AUNIP: variants seen among roughly 807,000 people sequenced by gnomAD.
AUNIP encodes the protein aurora kinase A and ninein interacting protein, also known as aurora kinase A- and ninein-interacting protein.
In AUNIP, 16 loss-of-function variants were observed where a neutral mutation model predicts 12.2. That is an observed-to-expected ratio of 1.31 (90% CI 0.88 to 1.99). The LOEUF (loss-of-function observed/expected upper bound fraction) is 1.99. Among genes scored for constraint, AUNIP ranks in the 30% most tolerant of loss-of-function variants. The pLI, the probability that AUNIP is intolerant of heterozygous loss-of-function variation, is 0.00. For missense variants in AUNIP, 411 were observed against 419.1 expected, an observed-to-expected ratio of 0.98 and a Z score of 0.17; for synonymous variants, 142 against 154.8, an observed-to-expected ratio of 0.92 and a Z score of 0.61.
intron 1 of AUNIP, among the ~76,000 whole-genome samples, chr1:25,843,202 AT>A (rs1557452423): frequency 6.7e-6 from 1 of 148,470 alleles, no homozygotes; most frequent in Non-Finnish European, 1.5e-5. Context: ...ATATATATAT[AT>A]TTTACTGCTC....
intron 1 of AUNIP, among the ~76,000 whole-genome samples, chr1:25,838,175 A>G (rs1232877780): frequency 2.6e-5 from 4 of 152,048 alleles, no homozygotes; most frequent in African/African-American, 9.7e-5. Flanking sequence ...TAGGTGTCAA[A>G]TGACAATAAT....
intron 1 of AUNIP, among the ~76,000 whole-genome samples, chr1:25,856,144 C>T (rs2048458445): frequency 6.6e-6 from 1 of 151,900 alleles, no homozygotes; most frequent in South Asian, 2.1e-4. Flanking sequence ...GCAGGTGGAT[C>T]ACTTGAGGCC....
chr1:25,846,757 A>G (rs1323677551), intron 1 of AUNIP, among the ~76,000 whole-genome samples: 1 of 152,208 alleles, frequency 6.6e-6, no homozygotes, highest in Non-Finnish European at 1.5e-5. Context: ...TTTTTCACTT[A>G]AAGGCCATAA....
chr1:25,848,424 G>A (rs1234566815), intron 1 of AUNIP, among the ~76,000 whole-genome samples: 1 of 145,400 alleles, frequency 6.9e-6, no homozygotes, highest in East Asian at 2.1e-4. Context: ...GGAGGTCGCA[G>A]TGAGTTGAGA....
intron 1 of AUNIP, among the ~76,000 whole-genome samples, chr1:25,848,483 CAAAAAAA>C (rs761716480): frequency 1.6e-5 from 1 of 62,474 alleles, no homozygotes; most frequent in Non-Finnish European, 3.1e-5. Context: ...AACTCCGTCT[CAAAAAAA>C]AAAAAAAAAA....
At chr1:25,844,400 A>T (rs2048368472) in intron 1 of AUNIP, among the ~76,000 whole-genome samples, 1 of 152,160 alleles carries the variant, frequency 6.6e-6, no homozygotes, top group Admixed American at 6.5e-5. Flanking sequence ...TGCCCGGCCA[A>T]GTGTGACCCT....
At chr1:25,857,496 G>A (rs1214257412) in intron 1 of AUNIP, among the ~76,000 whole-genome samples, 29 of 148,846 alleles carry the variant, frequency 1.9e-4, no homozygotes, top group African/African-American at 5.4e-4. Flanking sequence ...TGATCCGCCC[G>A]CCTCGGCCTC....
Position 25,837,411 on chromosome 1 carries a change from A to C in AUNIP, c.220+2T>G. 1 of 1,613,256 alleles carries C rather than the reference A, an allele frequency of 6.2e-7. No individual in the cohort carries two copies. The highest frequency in any genetic ancestry group is 8.5e-7 in the Non-Finnish European group (1 of 1,179,630). ...GAAGTATTCCCATATGGGTCACCAT[A>C]CCTGGCTGCAAGGTGAAGAAGGAAG... On this transcript the variant is annotated splice_donor_variant, in intron 2 of 2. Coordinates refer to ENST00000374298, the MANE Select transcript of AUNIP (RefSeq NM_024037.3). LOFTEE classifies it high-confidence loss of function.
intron 1 of AUNIP, among the ~76,000 whole-genome samples, chr1:25,857,231 GC>G (rs1303917142): frequency 1.3e-5 from 2 of 150,494 alleles, no homozygotes; most frequent in South Asian, 4.2e-4. Context: ...GTAATAAATA[GC>G]TATTGCACAT....
intron 1 of AUNIP, among the ~76,000 whole-genome samples, chr1:25,848,950 G>A (rs976631752): frequency 1.3e-5 from 2 of 152,164 alleles, no homozygotes; most frequent in African/African-American, 4.8e-5. Flanking sequence ...TTTCATTTGT[G>A]TCTCCTCACT....
At chr1:25,848,201 T>C (rs889655477) in intron 1 of AUNIP, among the ~76,000 whole-genome samples, 1 of 152,074 alleles carries the variant, frequency 6.6e-6, no homozygotes, top group East Asian at 1.9e-4. Flanking sequence ...CACCTTCAAC[T>C]CCAGGGAATA....
chr1:25,843,594 GAAAA>G (rs769525747), intron 1 of AUNIP, among the ~76,000 whole-genome samples: 18 of 31,894 alleles, frequency 5.6e-4, no homozygotes, highest in African/African-American at 1.7e-3. Context: ...CTGTCTGTTT[GAAAA>G]AAAAAAAAAA....
chr1:25,854,593 A>G (rs1181607974), intron 1 of AUNIP, among the ~76,000 whole-genome samples: 2 of 152,138 alleles, frequency 1.3e-5, no homozygotes, highest in Non-Finnish European at 2.9e-5. Flanking sequence ...TAACTGTTAC[A>G]GACATTATGT....
rs368792909 is a variant in AUNIP at position 25,844,720 on chromosome 1, T to C, written c.79-7166A>G. Reference sequence around the variant, plus strand: ...GTATATGAAGTCTCATGTTCCACCATTGACACACATGAAAGTATTATTCCT... The same window carrying C: ...GTATATGAAGTCTCATGTTCCACCACTGACACACATGAAAGTATTATTCCT... On this transcript the variant is annotated intron_variant, in intron 1 of 2. Transcript: ENST00000374298. 9.1e-4 allele frequency among the ~76,000 whole-genome samples: 139 copies of C among 152,306 alleles called. 1 individual carries two copies. In the South Asian group the frequency reaches 0.018, roughly 20 times the overall value.
chr1:25,835,498 T>C lies in AUNIP; in HGVS notation c.569A>G (p.Glu190Gly), dbSNP rs556251102. Reference protein sequence around the residue: ...ESSCLLDRKEEKGDSARKWEW... With the variant: ...ESSCLLDRKEGKGDSARKWEW... ...CCATTTCCTGGCAGAATCCCCTTTT[T>C]CTTCCTTTCGGTCTAGCAAACAAGA... The change falls in exon 3 of 3, where the codon GAA becomes GGA. Residue 190 changes from glutamate to glycine, a missense_variant. Glu to Gly is a moderately conservative substitution (Grantham distance 98). Coordinates refer to ENST00000374298, the MANE Select transcript of AUNIP (RefSeq NM_024037.3). 6.2e-7 allele frequency: 1 copy of C among 1,614,262 alleles called. No individual in the cohort carries two copies. Among genetic ancestry groups the C allele is most frequent in the African/African-American group, 1.3e-5 (1 of 75,072 alleles).
chr1:25,841,849 TG>T lies in AUNIP; in HGVS notation c.79-4296del, dbSNP rs376352541. On this transcript the variant is annotated intron_variant, in intron 1 of 2. Coordinates refer to ENST00000374298, the MANE Select transcript of AUNIP (RefSeq NM_024037.3). The stretch of plus-strand genomic sequence containing the variant: ...AATCAGTGATCTTTAATGTTACTAT[TG>T]TAATTGTTTTGGGGCACCATGAACC... Among the ~76,000 whole-genome samples, 85 of 152,256 alleles carry T rather than the reference TG, an allele frequency of 5.6e-4. 1 individual carries two copies. In the East Asian group the frequency reaches 7.9e-3, roughly 14 times the overall value.
At chr1:25,839,016 A>G (rs550736453) in intron 1 of AUNIP, among the ~76,000 whole-genome samples, 1 of 152,322 alleles carries the variant, frequency 6.6e-6, no homozygotes, top group Admixed American at 6.5e-5. Flanking sequence ...GTAAATTCAT[A>G]CTTCAACATG....
chr1:25,856,435 G>T (rs1477024704), intron 1 of AUNIP, among the ~76,000 whole-genome samples: 1 of 151,510 alleles, frequency 6.6e-6, no homozygotes, highest in Admixed American at 6.6e-5. Flanking sequence ...TGTAATCCCA[G>T]GAGGCCGAGG....
intron 1 of AUNIP, among the ~76,000 whole-genome samples, chr1:25,850,608 T>C (rs1313407089): frequency 6.6e-6 from 1 of 152,252 alleles, no homozygotes; most frequent in Non-Finnish European, 1.5e-5. Flanking sequence ...GTTTTATAGT[T>C]TCCAGTGTAT....
Sources: allele counts gnomAD v4.1 joint callset (sites outside exome capture counted in the v4.1 genomes callset), GRCh38; gene constraint gnomAD v4.1.1; transcripts MANE v1.5; gene names NCBI Gene and HGNC (gene_info 2026-07-23, HGNC 2026-07-21).